STAT4: variants seen among roughly 807,000 people sequenced by gnomAD.
The protein encoded by STAT4 is signal transducer and activator of transcription 4.
In STAT4, 42 loss-of-function variants were observed where a neutral mutation model predicts 110.5. The observed-to-expected ratio is 0.38, with a 90% CI of 0.30 to 0.49. STAT4 has a LOEUF of 0.49. Among genes scored for constraint, STAT4 ranks in the 20% least tolerant of loss-of-function variants. The pLI is 0.95. For synonymous variants in STAT4, 284 were observed against 302.2 expected, an observed-to-expected ratio of 0.94 and a Z score of 0.63; for missense variants, 632 against 887.9, an observed-to-expected ratio of 0.71 and a Z score of 3.66.
upstream of STAT4, chr2:191,151,276 A>C: frequency 1.0e-6 from 1 of 985,672 alleles, no homozygotes; most frequent in South Asian, 4.7e-5. The surrounding 1 kb of genome is among the most constrained non-coding windows in gnomAD (Gnocchi z 4.7). Flanking sequence ...GGGGCGGGGC[A>C]TACATTTTCT....
intron 14 of STAT4, 73 bp downstream of exon 14, chr2:191,054,417 T>C: frequency 2.3e-6 from 3 of 1,294,046 alleles, no homozygotes; most frequent in Non-Finnish European, 3.3e-6. Context: ...TCAAGCAGTT[T>C]AAAAGCTTTG....
intron 3 of STAT4, among the ~76,000 whole-genome samples, chr2:191,080,781 G>C (rs138974795): frequency 6.6e-6 from 1 of 152,160 alleles, no homozygotes; most frequent in Non-Finnish European, 1.5e-5. Context: ...CTAATCAGTC[G>C]TCTGTCACCA....
chr2:191,151,555 T>G, upstream of STAT4: 1 of 985,584 alleles, frequency 1.0e-6, no homozygotes, highest in South Asian at 4.7e-5. The surrounding 1 kb of genome is among the most constrained non-coding windows in gnomAD (Gnocchi z 4.7). Flanking sequence ...TTGCCCTTCC[T>G]GACCTAGCCT....
In STAT4 at chr2:191,146,501, C is replaced by A; in HGVS notation, c.273+112G>T. 1 of 1,062,514 alleles carries A rather than the reference C, an allele frequency of 9.4e-7. No homozygotes were observed. Among genetic ancestry groups the A allele is most frequent in the Non-Finnish European group, 1.2e-6 (1 of 818,178 alleles). The allele number at this position is 1,062,514 out of a possible 1,614,324, so 65.8% of individuals were successfully genotyped here. On this transcript the variant is annotated intron_variant, in intron 3 of 23. Transcript: ENST00000392320. The surrounding 1 kb of genome is among the most constrained non-coding windows in gnomAD (Gnocchi z 4.5). ...AAAATTTGTAAGTGGTAAGACAACT[C>A]AATTTTCCCCTAAATTTCATTTGAA...
At chr2:191,108,141 A>C (rs1698330104) in intron 3 of STAT4, among the ~76,000 whole-genome samples, 1 of 152,056 alleles carries the variant, frequency 6.6e-6, no homozygotes, top group South Asian at 2.1e-4. Context: ...AAATAGAAAA[A>C]TTTGCCAGAC....
intron 3 of STAT4, among the ~76,000 whole-genome samples, chr2:191,136,024 C>CAAAAAAAAAAAAAAAAAAA (rs1699173501): frequency 9.1e-5 from 4 of 43,780 alleles, no homozygotes; most frequent in African/African-American, 2.6e-4. Flanking sequence ...AAAAAAAAAC[C>CAAAAAAAAAAAAAAAAAAA]AAAAAACAAA....
intron 8 of STAT4, among the ~76,000 whole-genome samples, chr2:191,064,106 C>A (rs1011124407): frequency 6.6e-6 from 1 of 152,102 alleles, no homozygotes; most frequent in Middle Eastern, 3.2e-3. Flanking sequence ...ATACATAGAT[C>A]GGGAATGCCA....
intron 3 of STAT4, among the ~76,000 whole-genome samples, chr2:191,120,672 G>A (rs920868266): frequency 4.6e-5 from 7 of 152,124 alleles, no homozygotes; most frequent in Non-Finnish European, 8.8e-5. Flanking sequence ...CAAGAAAAGG[G>A]GAAAGGATTC....
intron 3 of STAT4, among the ~76,000 whole-genome samples, chr2:191,089,334 T>C (rs1697729631): frequency 1.3e-5 from 2 of 152,064 alleles, no homozygotes; most frequent in East Asian, 3.8e-4. Flanking sequence ...GTCAGGGAAA[T>C]GCATACTAAA....
In STAT4 at chr2:191,058,449, C is replaced by T. The variant is rs531090323; in HGVS notation, c.1095-230G>A. Among the ~76,000 whole-genome samples, 61 of 152,148 alleles carry T rather than the reference C, an allele frequency of 4.0e-4. No homozygotes were observed. The highest frequency in any genetic ancestry group is 7.9e-4 in the Admixed American group (12 of 15,274). Reference sequence around the variant, plus strand: ...AGTAGCTGGGATTACAGGCATGAGCCGCCGCACCCGGTCTCTATGATACTT... The same window carrying T: ...AGTAGCTGGGATTACAGGCATGAGCTGCCGCACCCGGTCTCTATGATACTT... On this transcript the variant is annotated intron_variant, in intron 11 of 23. Coordinates refer to ENST00000392320, the MANE Select transcript of STAT4 (RefSeq NM_003151.4). This position sits in a 1 kb window ranked among gnomAD's most constrained non-coding sequence, Gnocchi z 4.3.
rs1457819478 is a variant in STAT4 at position 191,121,678 on chromosome 2, A to G, written c.273+24935T>C. On this transcript the variant is annotated intron_variant, in intron 3 of 23. Coordinates refer to ENST00000392320, the MANE Select transcript of STAT4 (RefSeq NM_003151.4). Reference sequence around the variant, plus strand: ...CAGCAAATTATCGCAAGGACAAAAAACCAAACACCGCATGTTCTCACTCAT... The same window carrying G: ...CAGCAAATTATCGCAAGGACAAAAAGCCAAACACCGCATGTTCTCACTCAT... Among the ~76,000 whole-genome samples, 14 of 151,486 alleles carry G rather than the reference A, an allele frequency of 9.2e-5. No homozygotes were observed. The East Asian group carries it at 2.5e-3, about 27-fold the overall frequency.
Position 191,060,134 on chromosome 2 carries a change from A to G in STAT4, c.1035-1365T>C, listed in dbSNP as rs533332158. On this transcript the variant is annotated intron_variant, in intron 10 of 23. Coordinates refer to ENST00000392320, the MANE Select transcript of STAT4 (RefSeq NM_003151.4). The surrounding 1 kb of genome is among the most constrained non-coding windows in gnomAD (Gnocchi z 4.5). Reference sequence around the variant, plus strand: ...AAGACAGAGCCTTCAACCAGGGGCTAATGTTCTATGTCCCTGGCCATCAGT... The same window carrying G: ...AAGACAGAGCCTTCAACCAGGGGCTGATGTTCTATGTCCCTGGCCATCAGT... 6.6e-6 allele frequency among the ~76,000 whole-genome samples: 1 copy of G among 152,288 alleles called. No homozygotes were observed. The highest frequency in any genetic ancestry group is 2.1e-4 in the South Asian group (1 of 4,816).
At chr2:191,149,911 G>A (rs754515743) in intron 1 of STAT4, among the ~76,000 whole-genome samples, 1 of 152,138 alleles carries the variant, frequency 6.6e-6, no homozygotes, top group Admixed American at 6.5e-5. Context: ...GTAGATGGGA[G>A]GAATAAGTTC....
In STAT4 at chr2:191,037,132, TATATC is replaced by T. The variant is rs931733258; in HGVS notation, c.1435-838_1435-834del. Among the ~76,000 whole-genome samples, 45 of 152,266 alleles carry T rather than the reference TATATC, an allele frequency of 3.0e-4. No individual in the cohort carries two copies. Among genetic ancestry groups the T allele is most frequent in the Admixed American group, 2.2e-3 (34 of 15,298 alleles). On this transcript the variant is annotated intron_variant, in intron 16 of 23. Transcript: ENST00000392320. The surrounding 1 kb of genome is among the most constrained non-coding windows in gnomAD (Gnocchi z 4.8). ...AACAATATTCATCCTAAACAAAACT[TATATC>T]ATATTATTTAATTGGTTTATCGTGG...
intron 3 of STAT4, among the ~76,000 whole-genome samples, chr2:191,115,422 A>G (rs1698545535): frequency 6.6e-6 from 1 of 152,200 alleles, no homozygotes; most frequent in Non-Finnish European, 1.5e-5. Context: ...TCACCCTAGG[A>G]GACATAGCTT....
At chr2:191,070,207 A>AT (rs1238352240) in intron 5 of STAT4, among the ~76,000 whole-genome samples, 1 of 151,956 alleles carries the variant, frequency 6.6e-6, no homozygotes, top group Non-Finnish European at 1.5e-5. Flanking sequence ...CAGCTTAAAT[A>AT]TTTTTTTCTT....
In STAT4 at chr2:191,061,764, T is replaced by C. The variant is rs1696856459; in HGVS notation, c.999A>G (p.Val333=). 1.9e-6 allele frequency: 3 copies of C among 1,613,600 alleles called. No individual in the cohort carries two copies. The highest frequency in any genetic ancestry group is 2.5e-6 in the Non-Finnish European group (3 of 1,179,874). ...CAGTGAACTGAATTAGGGTTTTAAG[T>C]ACCAACGGCCTCTGAGGGTGGGTTG... ...CMPTHPQRPL[V]LKTLIQFTVK... is the part of the protein sequence containing the mutation. Residue 333 remains valine, a synonymous_variant, in exon 10 of 24, where the codon GTA becomes GTG. Transcript: ENST00000392320. This position sits in a 1 kb window ranked among gnomAD's most constrained non-coding sequence, Gnocchi z 6.2.
rs1196248295 is a variant in STAT4 at position 191,112,382 on chromosome 2, C to G, written c.273+34231G>C. ...AAATGGAAGAAATAACATTACATACCTGCCAGGACTGTTGTGAGGATATAA... is the reference window on the plus strand; with the variant it reads ...AAATGGAAGAAATAACATTACATACGTGCCAGGACTGTTGTGAGGATATAA... On this transcript the variant is annotated intron_variant, in intron 3 of 23. Transcript: ENST00000392320. This position sits in a 1 kb window ranked among gnomAD's most constrained non-coding sequence, Gnocchi z 4.3. Among the ~76,000 whole-genome samples the G allele has an allele frequency of 2.0e-5, 3 of 152,098 alleles. No homozygotes were observed. The highest frequency in any genetic ancestry group is 2.9e-5 in the Non-Finnish European group (2 of 68,014).
At chr2:191,094,501 T>A (rs1363960498) in intron 3 of STAT4, among the ~76,000 whole-genome samples, 1 of 152,084 alleles carries the variant, frequency 6.6e-6, no homozygotes, top group Non-Finnish European at 1.5e-5. Context: ...GCTTCATAAG[T>A]GAAGGAGAAA....
Sources: gnomAD v4.1 joint callset for allele counts (sites outside exome capture counted in the v4.1 genomes callset) on GRCh38, gnomAD v4.1.1 for gene constraint, Gnocchi (gnomAD v3.1) non-coding constraint, MANE v1.5 for transcripts, NCBI Gene and HGNC (gene_info 2026-07-23, HGNC 2026-07-21) for gene names.